Variants in LHFPL2 observed in about 807,000 individuals in gnomAD.
LHFPL2 encodes the protein LHFPL tetraspan subfamily member 2.
LHFPL2 carries 7 observed loss-of-function variants against 17.5 expected under a neutral mutation model. That is an observed-to-expected ratio of 0.40 (90% CI 0.23 to 0.75). The LOEUF (loss-of-function observed/expected upper bound fraction) is 0.75, where lower values mean the gene tolerates loss of function less well. LHFPL2 is among the 30% of genes least tolerant of loss of function. The pLI is 0.37. For synonymous variants in LHFPL2, 134 were observed against 116.2 expected, an observed-to-expected ratio of 1.15 and a Z score of -0.99; for missense variants, 241 against 294.8, an observed-to-expected ratio of 0.82 and a Z score of 1.34.
chr5:78,499,431 C>T (rs924133500), intron 4 of LHFPL2, among the ~76,000 whole-genome samples: 3 of 152,150 alleles, frequency 2.0e-5, no homozygotes, highest in African/African-American at 7.2e-5. Context: ...AACTGAGGCA[C>T]GGAAGGGCTA....
intron 1 of LHFPL2, among the ~76,000 whole-genome samples, chr5:78,647,637 C>A (rs1745930533): frequency 1.3e-5 from 2 of 152,056 alleles, no homozygotes; most frequent in African/African-American, 4.8e-5. Flanking sequence ...GGAAATGGCC[C>A]GGGTGGAGGC....
intron 2 of LHFPL2, among the ~76,000 whole-genome samples, chr5:78,577,684 G>GA (rs1757166888): frequency 6.6e-6 from 1 of 152,166 alleles, no homozygotes; most frequent in Non-Finnish European, 1.5e-5. Flanking sequence ...CTCCTAAAAG[G>GA]AGAGTAGCTT....
At position 78,495,664 on chromosome 5, in the gene LHFPL2, T is replaced by C. The variant is rs1395878594; in HGVS notation, c.431-6511A>G. ...ACTCAGCACCTTTACTAAGTCGAAA[T>C]CAAACAGCTTATTCCACAGCTATGA... On this transcript the variant is annotated intron_variant, in intron 4 of 4. Transcript: ENST00000380345. Among the ~76,000 whole-genome samples the C allele has an allele frequency of 2.0e-5, 3 of 152,040 alleles. No homozygotes were observed. In the East Asian group the frequency reaches 5.8e-4, roughly 29 times the overall value.
chr5:78,595,109 T>C (rs1258392411), intron 2 of LHFPL2, among the ~76,000 whole-genome samples: 1 of 152,224 alleles, frequency 6.6e-6, no homozygotes, highest in African/African-American at 2.4e-5. Flanking sequence ...CATGCACTGA[T>C]GAACAGTTTT....
At chr5:78,640,660 A>T (rs922809597) in intron 1 of LHFPL2, among the ~76,000 whole-genome samples, 4 of 152,240 alleles carry the variant, frequency 2.6e-5, no homozygotes, top group African/African-American at 9.7e-5. Context: ...CAGAAAAATA[A>T]AGAAAAAAAA....
chr5:78,525,915 T>A (rs1417602456), intron 3 of LHFPL2, among the ~76,000 whole-genome samples: 1 of 152,082 alleles, frequency 6.6e-6, no homozygotes. Context: ...TAGGAAAGTG[T>A]GAGCACGGTA....
At chr5:78,635,361 G>A (rs1377434630) in intron 1 of LHFPL2, among the ~76,000 whole-genome samples, 1 of 152,086 alleles carries the variant, frequency 6.6e-6, no homozygotes, top group African/African-American at 2.4e-5. Flanking sequence ...TGGGAAAGAC[G>A]CCCCCAACAC....
chr5:78,571,337 A>T (rs1756995023), intron 2 of LHFPL2, among the ~76,000 whole-genome samples: 1 of 152,048 alleles, frequency 6.6e-6, no homozygotes, highest in South Asian at 2.1e-4. Flanking sequence ...TCCCAACTCC[A>T]TGCATGAAAC....
At chr5:78,613,259 T>C (rs564452667) in intron 2 of LHFPL2, among the ~76,000 whole-genome samples, 82 of 152,332 alleles carry the variant, frequency 5.4e-4, no homozygotes, top group Admixed American at 1.8e-3. Context: ...TTCTATAAGA[T>C]CATGGCAAAC....
rs190051824 is a variant in LHFPL2, at chr5:78,513,600, C to G, written c.-185-3202G>C. Among the ~76,000 whole-genome samples, 38 of 152,288 alleles carry G rather than the reference C, an allele frequency of 2.5e-4. 1 individual carries two copies. In the East Asian group the frequency reaches 6.4e-3, roughly 26 times the overall value. Reference sequence around the variant, plus strand: ...ACCCAAATCTCATCTTGAATTGTAGCTCCCATAATTCTCACGTGTTATGGG... The same window carrying G: ...ACCCAAATCTCATCTTGAATTGTAGGTCCCATAATTCTCACGTGTTATGGG... On this transcript the variant is annotated intron_variant, in intron 3 of 4. Coordinates refer to ENST00000380345, the MANE Select transcript of LHFPL2 (RefSeq NM_005779.3).
intron 1 of LHFPL2, among the ~76,000 whole-genome samples, chr5:78,638,737 G>A (rs1470512137): frequency 5.9e-5 from 9 of 152,198 alleles, no homozygotes; most frequent in African/African-American, 2.2e-4. Flanking sequence ...AAGAACCTGA[G>A]TGGCTGACGG....
chr5:78,583,679 A>T (rs1215742211), intron 2 of LHFPL2, among the ~76,000 whole-genome samples: 4 of 152,004 alleles, frequency 2.6e-5, no homozygotes, highest in Non-Finnish European at 4.4e-5. Context: ...CTTCCCTTTG[A>T]GGGTAACCCA....
intron 3 of LHFPL2, among the ~76,000 whole-genome samples, chr5:78,544,886 T>C (rs983165313): frequency 1.3e-5 from 2 of 152,226 alleles, no homozygotes; most frequent in African/African-American, 2.4e-5. Flanking sequence ...GACAAGCTTT[T>C]CTTTCTTGTC....
chr5:78,507,238 G>A (rs1233106824), intron 4 of LHFPL2, among the ~76,000 whole-genome samples: 3 of 152,186 alleles, frequency 2.0e-5, no homozygotes, highest in East Asian at 3.9e-4. Context: ...GCTGAGGCAG[G>A]AGAATCGCTT....
At chr5:78,599,034 T>C (rs527875258) in intron 2 of LHFPL2, among the ~76,000 whole-genome samples, 1 of 152,296 alleles carries the variant, frequency 6.6e-6, no homozygotes, top group East Asian at 1.9e-4. Context: ...ATCCCTAGCA[T>C]TCAAGCACTG....
At chr5:78,624,268 C>G (rs116124059) in intron 2 of LHFPL2, among the ~76,000 whole-genome samples, 101 of 152,340 alleles carry the variant, frequency 6.6e-4, no homozygotes, top group African/African-American at 2.3e-3. Flanking sequence ...GTCTGCCACA[C>G]ATCCCCTGGA....
chr5:78,637,143 A>G (rs1745476866), intron 1 of LHFPL2, among the ~76,000 whole-genome samples: 1 of 151,968 alleles, frequency 6.6e-6, no homozygotes, highest in African/African-American at 2.4e-5. Context: ...TGAAGCCAAA[A>G]CCCCGGGTAG....
chr5:78,503,272 A>G (rs1754828124), intron 4 of LHFPL2, among the ~76,000 whole-genome samples: 1 of 152,242 alleles, frequency 6.6e-6, no homozygotes, highest in African/African-American at 2.4e-5. Flanking sequence ...CTCTGTGATA[A>G]TTTATGTCGA....
At position 78,488,665 on chromosome 5, in the gene LHFPL2, T is replaced by TC; in HGVS notation, c.*231dup. On this transcript the variant is annotated 3_prime_UTR_variant, in exon 5 of 5. Transcript: ENST00000380345. ...TCTGACAGAACTTGGCAACTCCAGGTCTAGGATTATATACTATTTTCATGT... is the reference window on the plus strand; with the variant it reads ...TCTGACAGAACTTGGCAACTCCAGGTCCTAGGATTATATACTATTTTCATGT... 13 of 533,954 alleles carry TC rather than the reference T, an allele frequency of 2.4e-5. 1 individual carries two copies. In the South Asian group the frequency reaches 2.9e-4, roughly 12 times the overall value. The allele number at this position is 533,954 out of a possible 1,614,324, so 33.1% of individuals were successfully genotyped here.
Sources: allele counts gnomAD v4.1 joint callset (sites outside exome capture counted in the v4.1 genomes callset), GRCh38; gene constraint gnomAD v4.1.1; transcripts MANE v1.5; gene names NCBI Gene and HGNC (gene_info 2026-07-23, HGNC 2026-07-21).